Variants in MCM9 observed in about 807,000 individuals in gnomAD.
MCM9 encodes DNA helicase MCM9.
Under a neutral mutation model 72.8 loss-of-function variants are expected in MCM9, and 55 were observed. The ratio of observed to expected loss-of-function variants is 0.76; its 90% CI spans 0.61 to 0.95. MCM9 has a LOEUF of 0.95. Ranked by LOEUF, MCM9 falls within the 40% of genes least tolerant of loss-of-function variation. The probability of loss-of-function intolerance (pLI) is 0.00; values close to 1 mark genes in which losing one functional copy is unlikely to be tolerated. For synonymous variants in MCM9, 480 were observed against 503.4 expected (o/e 0.95, Z 0.62); for missense variants, 1,279 against 1,377.0 (o/e 0.93, Z 1.13).
At chr6:118,873,268 GGAAGAAAAGA>G (rs1777733257) in intron 8 of MCM9, among the ~76,000 whole-genome samples, 2 of 149,312 alleles carry the variant, frequency 1.3e-5, no homozygotes, top group African/African-American at 4.9e-5. Flanking sequence ...GGGGAAAAGA[GGAAGAAAAGA>G]AAAGAAGAGA....
chr6:118,900,588 AT>A (rs2114520340), intron 8 of MCM9, among the ~76,000 whole-genome samples: 2 of 152,372 alleles, frequency 1.3e-5, no homozygotes, highest in Admixed American at 1.3e-4. Flanking sequence ...AGAAACTCTG[AT>A]CAAAGTGTGA....
chr6:118,882,387 G>C (rs1778344743), intron 8 of MCM9, among the ~76,000 whole-genome samples: 1 of 152,184 alleles, frequency 6.6e-6, no homozygotes, highest in African/African-American at 2.4e-5. Flanking sequence ...TTGGTAGCAA[G>C]TAATAAAAAG....
chr6:118,843,853 G>A (rs1005159046), intron 9 of MCM9, among the ~76,000 whole-genome samples: 1 of 150,846 alleles, frequency 6.6e-6, no homozygotes, highest in East Asian at 1.9e-4. Context: ...CCAAACTTTA[G>A]TCACTTGAGA....
At chr6:118,842,576 G>A (rs1310689080) in intron 9 of MCM9, among the ~76,000 whole-genome samples, 2 of 152,202 alleles carry the variant, frequency 1.3e-5, no homozygotes, top group African/African-American at 4.8e-5. Flanking sequence ...CTGGAGTGCA[G>A]TGGTCCAATC....
At chr6:118,909,074 G>T (rs1464712172) in intron 8 of MCM9, 1 of 152,144 alleles carries the variant, frequency 6.6e-6, no homozygotes, top group Non-Finnish European at 1.5e-5. Context: ...ACTTCTGACT[G>T]TTAAAACTAT....
intron 8 of MCM9, among the ~76,000 whole-genome samples, chr6:118,887,953 A>G (rs138832886): frequency 0.01 from 1,583 of 152,224 alleles, 30 homozygotes; most frequent in African/African-American, 0.036. Context: ...AAAAGGGGTG[A>G]AGGGAGTGGT....
chr6:118,843,627 A>G (rs1341708844), intron 9 of MCM9, among the ~76,000 whole-genome samples: 1 of 14,596 alleles, frequency 6.9e-5, no homozygotes, highest in Non-Finnish European at 1.9e-4. Flanking sequence ...TCAAAAAAAC[A>G]AAACAAAACA....
At chr6:118,894,881 C>T (rs552838633) in intron 8 of MCM9, among the ~76,000 whole-genome samples, 3 of 152,230 alleles carry the variant, frequency 2.0e-5, no homozygotes, top group East Asian at 1.9e-4. Flanking sequence ...CGCGACCCTC[C>T]GGGCCCGAGC....
intron 8 of MCM9, among the ~76,000 whole-genome samples, chr6:118,866,367 C>A (rs977268431): frequency 2.6e-5 from 4 of 152,070 alleles, no homozygotes; most frequent in Admixed American, 6.6e-5. Flanking sequence ...TCTCTAGAAA[C>A]TAACTGAAGT....
intron 13 of MCM9, among the ~76,000 whole-genome samples, chr6:118,823,505 C>A (rs1773956818): frequency 6.6e-6 from 1 of 152,204 alleles, no homozygotes; most frequent in African/African-American, 2.4e-5. Flanking sequence ...CTGCATTGGT[C>A]TTGCTGGGAG....
chr6:118,852,479 A>G (rs148269715), intron 9 of MCM9, among the ~76,000 whole-genome samples: 1,929 of 152,290 alleles, frequency 0.013, 37 homozygotes, highest in African/African-American at 0.044. Flanking sequence ...CCAATTAAAA[A>G]AGGATTTTAC....
Position 118,911,753 on chromosome 6 carries a change from TAAA to T in MCM9, c.1044_1046del (p.Leu350del). 15 of 1,612,168 alleles carry T rather than the reference TAAA, an allele frequency of 9.3e-6. No individual in the cohort carries two copies. Among genetic ancestry groups the T allele is most frequent in the Non-Finnish European group, 1.3e-5 (15 of 1,179,388 alleles). On this transcript the variant is annotated inframe_deletion, in exon 8 of 14. Coordinates refer to ENST00000619706, the MANE Select transcript of MCM9 (RefSeq NM_017696.3). ...TCCCTGTGCCAGGATCCCCAACCAA[TAAA>T]AGATGAGATTCTCCTAGGAAAAAGC...
chr6:118,924,912 T>C (rs1028480608), intron 3 of MCM9, among the ~76,000 whole-genome samples: 10 of 151,920 alleles, frequency 6.6e-5, no homozygotes, highest in Non-Finnish European at 1.3e-4. Flanking sequence ...GGCATGGTGG[T>C]GCATGCCTAT....
intron 8 of MCM9, among the ~76,000 whole-genome samples, chr6:118,893,662 G>A (rs1011801180): frequency 1.3e-5 from 2 of 152,050 alleles, no homozygotes; most frequent in African/African-American, 4.8e-5. Context: ...GCTGACATCG[G>A]TCTATAACAT....
intron 8 of MCM9, among the ~76,000 whole-genome samples, chr6:118,892,258 G>C (rs183239475): frequency 6.6e-6 from 1 of 152,300 alleles, no homozygotes; most frequent in Admixed American, 6.5e-5. Context: ...GTGAAATGTT[G>C]GGGAGTTTTT....
In MCM9 at chr6:118,815,672, T is replaced by A; in HGVS notation, c.2584A>T (p.Asn862Tyr). 6.5e-7 allele frequency: 1 copy of A among 1,549,668 alleles called. No homozygotes were observed. The highest frequency in any genetic ancestry group is 8.7e-7 in the Non-Finnish European group (1 of 1,146,788). ...CACTGTGCAGGCACCCTGGTGCTAT[T>A]TCTGCACAACTTCTGGGCCCTCTCT... is the stretch of plus-strand genomic sequence containing the variant. ...CKERAQKLCR[N>Y]STRVPAQCTV... The change falls in exon 14 of 14, where the codon AAT (asparagine) becomes TAT (tyrosine). Residue 862 changes from asparagine to tyrosine, a missense_variant. Coordinates refer to ENST00000619706, the MANE Select transcript of MCM9 (RefSeq NM_017696.3).
chr6:118,867,183 G>A (rs1583476724), intron 8 of MCM9, among the ~76,000 whole-genome samples: 1 of 152,226 alleles, frequency 6.6e-6, no homozygotes, highest in East Asian at 1.9e-4. Context: ...ACGCTAAAGG[G>A]AGTTTTTCAT....
chr6:118,906,806 A>G (rs900952658), intron 8 of MCM9, among the ~76,000 whole-genome samples: 1 of 152,224 alleles, frequency 6.6e-6, no homozygotes, highest in African/African-American at 2.4e-5. Context: ...TGAACCATGC[A>G]AGAAAAATTA....
intron 8 of MCM9, chr6:118,893,915 C>A: frequency 6.4e-6 from 4 of 627,768 alleles, no homozygotes; most frequent in Non-Finnish European, 8.0e-6. Context: ...TCGGCCGGAT[C>A]GCGCCCTCCC....
Sources: gnomAD v4.1 joint callset for allele counts (sites outside exome capture counted in the v4.1 genomes callset) on GRCh38, gnomAD v4.1.1 for gene constraint, MANE v1.5 for transcripts, NCBI Gene and HGNC (gene_info 2026-07-23, HGNC 2026-07-21) for gene names.